Variants in PCNX2 observed in about 807,000 individuals in gnomAD.
PCNX2 encodes pecanex 2.
In PCNX2, 168 loss-of-function variants were observed where a neutral mutation model predicts 223.8. The ratio of observed to expected loss-of-function variants is 0.75; its 90% CI spans 0.66 to 0.85. The LOEUF is 0.85. Among genes scored for constraint, PCNX2 ranks in the 40% least tolerant of loss-of-function variants. PCNX2 has a pLI of 0.00. For synonymous variants in PCNX2, 1,006 were observed against 1,052.6 expected, an observed-to-expected ratio of 0.96 and a Z score of 0.86; for missense variants, 2,507 against 2,675.5, an observed-to-expected ratio of 0.94 and a Z score of 1.39.
rs3766493 is a variant in PCNX2, at chr1:232,990,773, C to T, written c.5792-4233G>A. Among the ~76,000 whole-genome samples the T allele has an allele frequency of 2.0e-5, 3 of 152,306 alleles. No individual in the cohort carries two copies. In the East Asian group the frequency reaches 5.8e-4, roughly 29 times the overall value. On this transcript the variant is annotated intron_variant, in intron 32 of 33. Coordinates refer to ENST00000258229, the MANE Select transcript of PCNX2 (RefSeq NM_014801.4). The surrounding 1 kb of genome is among the most constrained non-coding windows in gnomAD (Gnocchi z 4.3). ...CAGCTCCCACCCACTCCTGCTTGGC[C>T]GTGTGCTGGGTTCCCAGGACTCCAG...
At chr1:233,017,381 G>C (rs558253095) in intron 26 of PCNX2, among the ~76,000 whole-genome samples, 99 of 141,096 alleles carry the variant, frequency 7.0e-4, no homozygotes, top group African/African-American at 2.5e-3. Context: ...GCAGCGGTGC[G>C]ATCTCGGCTC....
chr1:232,986,224 C>T lies in PCNX2; in HGVS notation c.6108G>A (p.Arg2036=). The T allele has an allele frequency of 6.4e-7, 1 of 1,559,368 alleles. No homozygotes were observed. The change falls in exon 33 of 34, where the codon AGG becomes AGA. Residue 2036 remains arginine, a synonymous_variant. Coordinates refer to ENST00000258229, the MANE Select transcript of PCNX2 (RefSeq NM_014801.4). ...SSTLSFLFGK[R]SFSSALVISG... ...AAATGACGAGCGCGCTGGAAAAGCT[C>T]CTCTTGCCGAAGAGGAAGCTCAGGG...
At chr1:233,188,376 A>C (rs1680225316) in intron 15 of PCNX2, among the ~76,000 whole-genome samples, 1 of 151,990 alleles carries the variant, frequency 6.6e-6, no homozygotes, top group Non-Finnish European at 1.5e-5. Flanking sequence ...GCAGTTAATA[A>C]CCTGGCCGTT....
intron 21 of PCNX2, among the ~76,000 whole-genome samples, chr1:233,130,457 C>T (rs1231856940): frequency 7.5e-6 from 1 of 133,144 alleles, no homozygotes. Context: ...ATTTCTGCCC[C>T]CCAACTTTTG....
chr1:233,165,485 C>T (rs1166586868), intron 17 of PCNX2, among the ~76,000 whole-genome samples: 1 of 152,152 alleles, frequency 6.6e-6, no homozygotes, highest in East Asian at 1.9e-4. Flanking sequence ...TATTCTGAGG[C>T]TCAAAATGTC....
intron 17 of PCNX2, among the ~76,000 whole-genome samples, chr1:233,174,261 A>T (rs994613385): frequency 6.9e-6 from 1 of 145,686 alleles, no homozygotes; most frequent in Non-Finnish European, 1.5e-5. Flanking sequence ...ATTATATATA[A>T]TATGTAATAT....
intron 17 of PCNX2, among the ~76,000 whole-genome samples, chr1:233,173,076 C>T (rs1679254046): frequency 6.6e-6 from 1 of 151,926 alleles, no homozygotes; most frequent in Non-Finnish European, 1.5e-5. Context: ...ATAAAAGAGT[C>T]TGTCTCCTTT....
the PCNX2 span, among the ~76,000 whole-genome samples, chr1:233,305,890 T>C: frequency 6.6e-6 from 1 of 152,198 alleles, no homozygotes; most frequent in Non-Finnish European, 1.5e-5. Context: ...AGTATCCAAA[T>C]GGCAGATGTA....
In PCNX2 at chr1:232,986,254, G is replaced by A. The variant is rs1265990968; in HGVS notation, c.6078C>T (p.Ser2026=). The A allele has an allele frequency of 6.4e-7, 1 of 1,560,746 alleles. No individual in the cohort carries two copies. The highest frequency in any genetic ancestry group is 8.7e-7 in the Non-Finnish European group (1 of 1,152,700). ...LIRSSLGSST[S]STLSFLFGKR... is the part of the protein sequence containing the mutation. ...TGCCGAAGAGGAAGCTCAGGGTGGA[G>A]CTGGTGGAGGAGCCCAGGCTGGACC... Residue 2026 remains serine (S), a synonymous_variant, in exon 33 of 34, where the codon AGC becomes AGT. Transcript: ENST00000258229.
At chr1:233,251,384 A>G (rs1348661342) in intron 7 of PCNX2, among the ~76,000 whole-genome samples, 1 of 152,214 alleles carries the variant, frequency 6.6e-6, no homozygotes. Context: ...TAATTTGCAG[A>G]GCTCAATTAG....
Position 233,258,151 on chromosome 1 carries a change from G to A in PCNX2, c.1711C>T (p.Pro571Ser). 2.0e-5 allele frequency: 33 copies of A among 1,613,938 alleles called. No individual in the cohort carries two copies. Among genetic ancestry groups the A allele is most frequent in the Non-Finnish European group, 2.7e-5 (32 of 1,179,864 alleles). ...AATTCCAGGAAGTTGGACTCATTTG[G>A]CATTTGTCCTTCCTTAGCCTCTAGG... ...SDLEAKEGQM[P>S]NESNFLEFVS... The change falls in exon 5 of 34, where the codon CCA becomes TCA. Residue 571 changes from proline (P) to serine (S), a missense_variant. By Grantham distance (74) the Pro-to-Ser change is moderately conservative (BLOSUM62 -1). Transcript: ENST00000258229.
At chr1:233,200,035 C>A in intron 14 of PCNX2, 119 bp downstream of exon 14, 1 of 798,400 alleles carries the variant, frequency 1.3e-6, no homozygotes, top group South Asian at 2.1e-5. Context: ...AAACTGAAGT[C>A]ATTTAAATGC....
At chr1:233,030,771 C>T (rs966767059) in intron 25 of PCNX2, among the ~76,000 whole-genome samples, 1 of 152,244 alleles carries the variant, frequency 6.6e-6, no homozygotes, top group Admixed American at 6.5e-5. Context: ...CTCAGCACTG[C>T]GTAGCCTACA....
chr1:233,082,031 G>A (rs1673385104), intron 23 of PCNX2, among the ~76,000 whole-genome samples: 1 of 151,912 alleles, frequency 6.6e-6, no homozygotes, highest in East Asian at 1.9e-4. Context: ...TCCTCTGAGA[G>A]GCTTCAGGAT....
intron 21 of PCNX2, among the ~76,000 whole-genome samples, chr1:233,103,702 C>T (rs1286382606): frequency 2.0e-5 from 3 of 152,138 alleles, no homozygotes; most frequent in Non-Finnish European, 4.4e-5. Context: ...ACCTCAGTTG[C>T]TTCCAAATCT....
At chr1:233,023,096 C>T (rs982996449) in intron 26 of PCNX2, among the ~76,000 whole-genome samples, 5 of 152,176 alleles carry the variant, frequency 3.3e-5, no homozygotes, top group African/African-American at 1.2e-4. Context: ...TGCCCCCTTC[C>T]AGCCACTTGC....
At chr1:233,177,083 C>A (rs1679517438) in intron 17 of PCNX2, among the ~76,000 whole-genome samples, 3 of 152,120 alleles carry the variant, frequency 2.0e-5, no homozygotes, top group Admixed American at 1.3e-4. Flanking sequence ...GACTTTCCTC[C>A]CCATTTAATT....
intron 9 of PCNX2, among the ~76,000 whole-genome samples, chr1:233,229,679 G>A (rs1657945918): frequency 6.6e-6 from 1 of 152,100 alleles, no homozygotes; most frequent in South Asian, 2.1e-4. Flanking sequence ...GATACCCTTA[G>A]CTGTTAGGAA....
rs749235829 is a variant in PCNX2, at chr1:233,161,273, G to T, written c.3364C>A (p.Arg1122=). The change falls in exon 18 of 34, where the codon CGA becomes AGA. Residue 1122 remains arginine, a splice_region_variant and synonymous_variant. Transcript: ENST00000258229. ...VSASTVFLSL[R]PFLSIVLFAL... is the part of the protein sequence containing the mutation. ...GTACAAAGTTGGTGGATACATACTC[G>T]CAATGACAGGAATACAGTGCTGGCG... The T allele has an allele frequency of 2.5e-6, 4 of 1,612,652 alleles. No homozygotes were observed. Among genetic ancestry groups the T allele is most frequent in the East Asian group, 2.2e-5 (1 of 44,856 alleles).
Sources: gnomAD v4.1 joint callset for allele counts (sites outside exome capture counted in the v4.1 genomes callset) on GRCh38, gnomAD v4.1.1 for gene constraint, Gnocchi (gnomAD v3.1) non-coding constraint, MANE v1.5 for transcripts, NCBI Gene and HGNC (gene_info 2026-07-23, HGNC 2026-07-21) for gene names.